SHISA9: variants seen among roughly 807,000 people sequenced by gnomAD.
SHISA9 encodes the protein shisa family member 9.
In SHISA9, 13 loss-of-function variants were observed where a neutral mutation model predicts 38.0. The ratio of observed to expected loss-of-function variants is 0.34; its 90% CI spans 0.22 to 0.54. SHISA9 has a LOEUF of 0.54. Ranked by LOEUF, SHISA9 falls within the 20% of genes least tolerant of loss-of-function variation. The pLI, the probability that SHISA9 is intolerant of heterozygous loss-of-function variation, is 0.91. For synonymous variants in SHISA9, 275 were observed against 242.0 expected, an observed-to-expected ratio of 1.14 and a Z score of -1.27; for missense variants, 538 against 575.8, an observed-to-expected ratio of 0.93 and a Z score of 0.67.
intron 2 of SHISA9, among the ~76,000 whole-genome samples, chr16:12,960,622 T>G (rs1297869067): frequency 1.3e-5 from 2 of 152,218 alleles, no homozygotes; most frequent in Non-Finnish European, 2.9e-5. Context: ...TGCAGGGACA[T>G]GGACGGAGCT....
intron 2 of SHISA9, among the ~76,000 whole-genome samples, chr16:12,926,819 A>G (rs2141735608): frequency 6.6e-6 from 1 of 152,304 alleles, no homozygotes; most frequent in South Asian, 2.1e-4. Context: ...ATTTTCATGG[A>G]CTGACTTTGC....
chr16:13,522,246 C>T, the SHISA9 span, among the ~76,000 whole-genome samples: 3 of 152,182 alleles, frequency 2.0e-5, no homozygotes, highest in South Asian at 4.1e-4. Context: ...TGCTCAGATG[C>T]AAAGGCAGAA....
intron 2 of SHISA9, among the ~76,000 whole-genome samples, chr16:13,038,210 G>T (rs1460311306): frequency 2.6e-5 from 4 of 152,166 alleles, no homozygotes; most frequent in Non-Finnish European, 5.9e-5. Flanking sequence ...GGCTGGTCTC[G>T]AACTCCTGGC....
At chr16:13,401,994 A>G in the SHISA9 span, among the ~76,000 whole-genome samples, 2 of 152,118 alleles carry the variant, frequency 1.3e-5, no homozygotes, top group Admixed American at 1.3e-4. Context: ...ACCTGCCCCC[A>G]TTACTCAATT....
At chr16:13,274,620 AT>A in the SHISA9 span, among the ~76,000 whole-genome samples, 1 of 152,106 alleles carries the variant, frequency 6.6e-6, no homozygotes, top group East Asian at 1.9e-4. Flanking sequence ...AGGGATCCAA[AT>A]TACTGCTGGC....
rs190589742 is a variant in SHISA9 at position 13,031,474 on chromosome 16, G to T, written c.691+114659G>T. 3.9e-5 allele frequency among the ~76,000 whole-genome samples: 6 copies of T among 152,270 alleles called. No homozygotes were observed. In the East Asian group the frequency reaches 9.7e-4, roughly 25 times the overall value. Reference sequence around the variant, plus strand: ...GGCACCAACCAGTAACTGTGCAAAGGCTTATATTTCAGTGCAAGATCTTAT... The same window carrying T: ...GGCACCAACCAGTAACTGTGCAAAGTCTTATATTTCAGTGCAAGATCTTAT... On this transcript the variant is annotated intron_variant, in intron 2 of 4. Transcript: ENST00000558583.
At chr16:13,036,646 T>C (rs1314422454) in intron 2 of SHISA9, among the ~76,000 whole-genome samples, 1 of 152,142 alleles carries the variant, frequency 6.6e-6, no homozygotes, top group Non-Finnish European at 1.5e-5. Flanking sequence ...AAGTTGATTT[T>C]CAAAGAGACC....
At chr16:13,483,237 G>A in the SHISA9 span, among the ~76,000 whole-genome samples, 2 of 152,132 alleles carry the variant, frequency 1.3e-5, no homozygotes, top group Non-Finnish European at 2.9e-5. Context: ...AAATATGTAT[G>A]TTGGGCACCA....
At chr16:13,062,800 A>G (rs935394318) in intron 2 of SHISA9, among the ~76,000 whole-genome samples, 7 of 152,130 alleles carry the variant, frequency 4.6e-5, no homozygotes, top group African/African-American at 1.7e-4. Flanking sequence ...AAACTGTTGC[A>G]TTTGAATACT....
intron 2 of SHISA9, among the ~76,000 whole-genome samples, chr16:13,016,659 A>C (rs2072761373): frequency 6.6e-6 from 1 of 152,232 alleles, no homozygotes. Context: ...ACTGAAACTC[A>C]GAGCACATTT....
At chr16:13,127,965 T>C (rs1170755771) in intron 2 of SHISA9, among the ~76,000 whole-genome samples, 1 of 152,200 alleles carries the variant, frequency 6.6e-6, no homozygotes, top group Non-Finnish European at 1.5e-5. Flanking sequence ...TCAATTCTTT[T>C]ATTAGATGCT....
chr16:13,271,560 G>T, the SHISA9 span, among the ~76,000 whole-genome samples: 1 of 152,058 alleles, frequency 6.6e-6, no homozygotes, highest in East Asian at 1.9e-4. Context: ...ACCATAAAAA[G>T]AAACTATTGA....
Position 13,168,970 on chromosome 16 carries a change from C to G in SHISA9, c.692-34424C>G, listed in dbSNP as rs1049426372. 5.3e-5 allele frequency among the ~76,000 whole-genome samples: 8 copies of G among 152,330 alleles called. No individual in the cohort carries two copies. The East Asian group carries it at 1.4e-3, about 26-fold the overall frequency. Reference sequence around the variant, plus strand: ...CTCAGTGAGTGATTGTCACCATGATCATTGTTTTTATCATCTTGATAATTA... The same window carrying G: ...CTCAGTGAGTGATTGTCACCATGATGATTGTTTTTATCATCTTGATAATTA... On this transcript the variant is annotated intron_variant, in intron 2 of 4. Transcript: ENST00000558583.
chr16:12,985,107 C>T (rs1444134235), intron 2 of SHISA9, among the ~76,000 whole-genome samples: 8 of 152,110 alleles, frequency 5.3e-5, no homozygotes, highest in Admixed American at 2.0e-4. Context: ...CATTAATCCT[C>T]ATCTCAGGAT....
rs8050727 is a variant in SHISA9 at position 13,172,794 on chromosome 16, C to G, written c.692-30600C>G. Among the ~76,000 whole-genome samples the G allele has an allele frequency of 5.0e-3, 751 of 149,498 alleles. 8 individuals are homozygous for G. The highest frequency in any genetic ancestry group is 0.017 in the African/African-American group (700 of 40,352). ...ATCTTGATGTAAATTCCTAGTGGGC[C>G]ACGAGAGAGGAGGCGGGATTGTAAT... On this transcript the variant is annotated intron_variant, in intron 2 of 4. Transcript: ENST00000558583.
intron 2 of SHISA9, among the ~76,000 whole-genome samples, chr16:13,104,416 T>C (rs1306176472): frequency 6.6e-6 from 1 of 152,142 alleles, no homozygotes; most frequent in Non-Finnish European, 1.5e-5. Context: ...CATACAAACA[T>C]TATTTATAAT....
At chr16:13,135,164 GAAC>G (rs1257037474) in intron 2 of SHISA9, among the ~76,000 whole-genome samples, 3 of 152,146 alleles carry the variant, frequency 2.0e-5, no homozygotes, top group Admixed American at 6.5e-5. Context: ...CAAATGTTTT[GAAC>G]AACAACAGAA....
chr16:12,959,672 T>G (rs1439460923), intron 2 of SHISA9, among the ~76,000 whole-genome samples: 1 of 152,126 alleles, frequency 6.6e-6, no homozygotes, highest in Non-Finnish European at 1.5e-5. Flanking sequence ...TCAGCTCCAT[T>G]GTGTAGAAGG....
the SHISA9 span, among the ~76,000 whole-genome samples, chr16:13,478,404 C>T: frequency 6.6e-6 from 1 of 152,196 alleles, no homozygotes; most frequent in Non-Finnish European, 1.5e-5. Flanking sequence ...AAGAACCAGG[C>T]TTTCCCTGTT....
Sources: gnomAD v4.1 joint callset for allele counts (sites outside exome capture counted in the v4.1 genomes callset) on GRCh38, gnomAD v4.1.1 for gene constraint, MANE v1.5 for transcripts, NCBI Gene and HGNC (gene_info 2026-07-23, HGNC 2026-07-21) for gene names.